The following NEMP1 variants were observed in gnomAD, a reference collection of about 807,000 sequenced individuals.
NEMP1 encodes the protein transmembrane protein 194.
NEMP1 carries 29 observed loss-of-function variants against 53.7 expected under a neutral mutation model. That is an observed-to-expected ratio of 0.54 (90% CI 0.40 to 0.74). The LOEUF is 0.74. NEMP1 is among the 30% of genes least tolerant of loss of function. The pLI is 0.00. For missense variants in NEMP1, 477 were observed against 528.6 expected (o/e 0.90, Z 0.96); for synonymous variants, 193 against 192.9 (o/e 1.00, Z 0.00).
chr12:57,085,885 G>A (rs752097376), intron 1 of NEMP1, among the ~76,000 whole-genome samples: 1 of 152,218 alleles, frequency 6.6e-6, no homozygotes, highest in Non-Finnish European at 1.5e-5. Context: ...TCTGTGTCAT[G>A]TGCCCTTTCA....
chr12:57,087,148 G>C (rs557531075), intron 1 of NEMP1, among the ~76,000 whole-genome samples: 1 of 152,186 alleles, frequency 6.6e-6, no homozygotes, highest in Non-Finnish European at 1.5e-5. Flanking sequence ...GCTCAAAATC[G>C]GCTCCTCCCT....
At chr12:57,075,497 T>TATAA (rs2032565462) in intron 1 of NEMP1, among the ~76,000 whole-genome samples, 1 of 129,938 alleles carries the variant, frequency 7.7e-6, no homozygotes, top group Non-Finnish European at 1.6e-5. Context: ...TCCATCTCAA[T>TATAA]ATCAATAAAT....
rs755400940 is a variant in NEMP1 at position 57,071,824 on chromosome 12, C to CA, written c.253-932dup. 3.2e-3 allele frequency among the ~76,000 whole-genome samples: 411 copies of CA among 126,570 alleles called. 1 individual carries two copies. The highest frequency in any genetic ancestry group is 3.0e-3 in the Non-Finnish European group (179 of 58,748). 83.0% of individuals were successfully genotyped at this position (126,570 alleles called of 152,430 possible). A position where few individuals can be genotyped will look rare whatever the true frequency, so the allele number is the denominator to read the frequency against. On this transcript the variant is annotated intron_variant, in intron 2 of 8. Coordinates refer to ENST00000300128, the MANE Select transcript of NEMP1 (RefSeq NM_001130963.2). ...TGGGTGACTGAGCGAGACTCCGTCT[C>CA]AAAAAAAAAAAACAAATCCACAAGT...
At chr12:57,084,296 G>C (rs1592525732) in intron 1 of NEMP1, among the ~76,000 whole-genome samples, 1 of 152,056 alleles carries the variant, frequency 6.6e-6, no homozygotes, top group South Asian at 2.1e-4. Flanking sequence ...TTAAATTTAG[G>C]AATTGTGGAT....
intron 7 of NEMP1, among the ~76,000 whole-genome samples, chr12:57,061,531 T>C (rs1401168624): frequency 1.3e-5 from 2 of 150,338 alleles, no homozygotes; most frequent in Admixed American, 6.7e-5. Flanking sequence ...CCATCTCTAC[T>C]AAAAATACAA....
rs188248904 is a variant in NEMP1 at position 57,075,504 on chromosome 12, A to C, written c.128-2592T>G. ...AGCAAGACTCCATCTCAATATCAAT[A>C]AATAAATAAATAAATAAATAAATAA... is the stretch of plus-strand genomic sequence containing the variant. On this transcript the variant is annotated intron_variant, in intron 1 of 8. Transcript: ENST00000300128. Among the ~76,000 whole-genome samples, 741 of 136,256 alleles carry C rather than the reference A, an allele frequency of 5.4e-3. 5 individuals are homozygous for C. The highest frequency in any genetic ancestry group is 6.9e-3 in the Non-Finnish European group (460 of 66,788). 89.4% of individuals were successfully genotyped at this position (136,256 alleles called of 152,430 possible).
Position 57,058,764 on chromosome 12 carries a change from C to A in NEMP1, c.*1115G>T, listed in dbSNP as rs970256907. On this transcript the variant is annotated 3_prime_UTR_variant, in exon 9 of 9. Coordinates refer to ENST00000300128, the MANE Select transcript of NEMP1 (RefSeq NM_001130963.2). ...TGTGTATCAAGAAACTACATAGTTTCAAGGCTTAAAAATTACCCAGATTTG... is the reference window on the plus strand; with the variant it reads ...TGTGTATCAAGAAACTACATAGTTTAAAGGCTTAAAAATTACCCAGATTTG... The A allele has an allele frequency of 7.9e-5, 12 of 152,186 alleles. No individual in the cohort carries two copies. The highest frequency in any genetic ancestry group is 2.0e-4 in the Admixed American group (3 of 15,272). The allele number at this position is 152,186 out of a possible 1,614,324, so 9.4% of individuals were successfully genotyped here. A position where few individuals can be genotyped will look rare whatever the true frequency, so the allele number is the denominator to read the frequency against.
Position 57,072,803 on chromosome 12 carries a change from T to C in NEMP1, c.237A>G (p.Ile79Met), listed in dbSNP as rs2032414420. ...TNVLIPKWHDIWTRIQIRVNS... is the reference protein window; with the variant it reads ...TNVLIPKWHDMWTRIQIRVNS... ...AAGTTATTACCTGTATCCGTGTCCA[T>C]ATATCATGCCATTTTGGGATAAGCA... is the stretch of plus-strand genomic sequence containing the variant. Residue 79 changes from isoleucine (I) to methionine (M), a missense_variant, in exon 2 of 9, where the codon ATA becomes ATG. Physicochemically the swap from Ile to Met is conservative, Grantham distance 10. Coordinates refer to ENST00000300128, the MANE Select transcript of NEMP1 (RefSeq NM_001130963.2). 2 of 1,610,312 alleles carry C rather than the reference T, an allele frequency of 1.2e-6. No homozygotes were observed. The highest frequency in any genetic ancestry group is 1.1e-5 in the South Asian group (1 of 90,200).
intron 3 of NEMP1, among the ~76,000 whole-genome samples, 176 bp from the exon 4 acceptor site, chr12:57,069,482 G>A (rs1430027644): frequency 6.6e-6 from 1 of 152,042 alleles, no homozygotes; most frequent in Admixed American, 6.6e-5. Context: ...GTATAATTAG[G>A]TCTCTGTCTA....
At chr12:57,060,648 A>AC in intron 8 of NEMP1, 124 bp downstream of exon 8, 2 of 974,194 alleles carry the variant, frequency 2.1e-6, no homozygotes, top group Non-Finnish European at 3.1e-6. Flanking sequence ...CCTTCTCTTG[A>AC]CTACTTGAAG....
upstream of NEMP1, among the ~76,000 whole-genome samples, chr12:57,083,469 C>T (rs1417056059): frequency 6.6e-6 from 1 of 152,168 alleles, no homozygotes. Context: ...AGAACTCAGG[C>T]CAACACTGAT....
upstream of NEMP1, among the ~76,000 whole-genome samples, chr12:57,080,025 C>A (rs140669361): frequency 1.2e-3 from 180 of 152,274 alleles, no homozygotes; most frequent in African/African-American, 4.2e-3. Flanking sequence ...AGTGGTGTAA[C>A]CACAGCTCAC....
Position 57,060,794 on chromosome 12 carries a change from A to G in NEMP1, c.1132T>C (p.Ser378Pro), listed in dbSNP as rs1461018665. The change falls in exon 8 of 9, where the codon TCT (serine) becomes CCT (proline). Residue 378 changes from serine to proline, a missense_variant. Ser to Pro is a moderately conservative substitution (Grantham distance 74). Transcript: ENST00000300128. ...SPDCSAWKTVSRIQSPKRFAD... is the reference protein window; with the variant it reads ...SPDCSAWKTVPRIQSPKRFAD... Reference sequence around the variant, plus strand: ...TACCTTTTTGGAGACTGGATTCGAGAAACAGTCTTCCAAGCAGAGCAGTCT... The same window carrying G: ...TACCTTTTTGGAGACTGGATTCGAGGAACAGTCTTCCAAGCAGAGCAGTCT... The G allele has an allele frequency of 6.2e-7, 1 of 1,612,586 alleles. No individual in the cohort carries two copies. The highest frequency in any genetic ancestry group is 8.5e-7 in the Non-Finnish European group (1 of 1,179,478).
chr12:57,059,030 C>T lies in NEMP1; in HGVS notation c.*849G>A, dbSNP rs756637540. ...TAGTTCACAGGTAAGGGAACTGACCCTTCCTGAAAGGGCAAAGGCAGGGTA... is the reference window on the plus strand; with the variant it reads ...TAGTTCACAGGTAAGGGAACTGACCTTTCCTGAAAGGGCAAAGGCAGGGTA... On this transcript the variant is annotated 3_prime_UTR_variant, in exon 9 of 9. Coordinates refer to ENST00000300128, the MANE Select transcript of NEMP1 (RefSeq NM_001130963.2). 3.2e-4 allele frequency: 48 copies of T among 152,290 alleles called. No individual in the cohort carries two copies. Among genetic ancestry groups the T allele is most frequent in the Admixed American group, 5.2e-4 (8 of 15,298 alleles). The allele number at this position is 152,290 out of a possible 1,614,324, so 9.4% of individuals were successfully genotyped here.
At chr12:57,085,743 G>A (rs950689041) in intron 1 of NEMP1, among the ~76,000 whole-genome samples, 14 of 152,244 alleles carry the variant, frequency 9.2e-5, no homozygotes, top group Admixed American at 9.2e-4. Context: ...TTACCAGAAT[G>A]GTGGACATTT....
At chr12:57,069,585 A>G (rs891172263) in intron 3 of NEMP1, among the ~76,000 whole-genome samples, 2 of 152,120 alleles carry the variant, frequency 1.3e-5, no homozygotes, top group African/African-American at 4.8e-5. Flanking sequence ...AGCTAGACAC[A>G]GTACCATCAG....
At chr12:57,061,169 A>T (rs905024455) in intron 7 of NEMP1, among the ~76,000 whole-genome samples, 4 of 152,206 alleles carry the variant, frequency 2.6e-5, no homozygotes, top group Non-Finnish European at 1.5e-5. Context: ...TCAAAAAAAA[A>T]GTGATATAAT....
intron 1 of NEMP1, among the ~76,000 whole-genome samples, chr12:57,085,814 T>C (rs866916445): frequency 2.6e-5 from 4 of 152,236 alleles, no homozygotes; most frequent in South Asian, 2.1e-4. Flanking sequence ...GAAAGAGATA[T>C]GGAAAACAAA....
intron 4 of NEMP1, among the ~76,000 whole-genome samples, chr12:57,066,678 T>A (rs1199060001): frequency 6.6e-6 from 1 of 152,216 alleles, no homozygotes; most frequent in Non-Finnish European, 1.5e-5. Flanking sequence ...TCGATGAAGT[T>A]CACTGTCTAA....
Sources: allele counts gnomAD v4.1 joint callset (sites outside exome capture counted in the v4.1 genomes callset), GRCh38; gene constraint gnomAD v4.1.1; transcripts MANE v1.5; gene names NCBI Gene and HGNC (gene_info 2026-07-23, HGNC 2026-07-21).